SPTLC3: variants seen among roughly 807,000 people sequenced by gnomAD.
The protein encoded by SPTLC3 is serine palmitoyltransferase long chain base subunit 3.
In SPTLC3, 36 loss-of-function variants were observed where a neutral mutation model predicts 59.3. The observed-to-expected ratio is 0.61, with a 90% CI of 0.47 to 0.80. SPTLC3 has a LOEUF of 0.80. SPTLC3 is among the 30% of genes least tolerant of loss of function. The probability of loss-of-function intolerance (pLI) is 0.00; values close to 1 mark genes in which losing one functional copy is unlikely to be tolerated. For synonymous variants in SPTLC3, 257 were observed against 240.8 expected (o/e 1.07, Z -0.62); for missense variants, 625 against 685.1 (o/e 0.91, Z 0.98).
chr20:13,115,447 G>A (rs1333475906), intron 7 of SPTLC3, among the ~76,000 whole-genome samples: 2 of 152,120 alleles, frequency 1.3e-5, no homozygotes, highest in East Asian at 1.9e-4. Context: ...TTAGCTGCCC[G>A]CAGTGTCTAC....
chr20:13,058,590 G>C (rs1344757083), intron 2 of SPTLC3, among the ~76,000 whole-genome samples: 1 of 152,132 alleles, frequency 6.6e-6, no homozygotes, highest in African/African-American at 2.4e-5. Context: ...GAGGCAGAGG[G>C]GAGGGCTGGT....
chr20:13,131,462 G>C (rs968081889), intron 9 of SPTLC3, among the ~76,000 whole-genome samples: 4 of 152,186 alleles, frequency 2.6e-5, no homozygotes, highest in Non-Finnish European at 5.9e-5. Context: ...AACTTAGCAT[G>C]ATGCTTGATA....
intron 1 of SPTLC3, among the ~76,000 whole-genome samples, chr20:13,014,918 G>A (rs1249008938): frequency 4.6e-5 from 7 of 152,298 alleles, no homozygotes; most frequent in Non-Finnish European, 1.0e-4. Context: ...CTCAAGCTGA[G>A]CTACAGGTGC....
intron 1 of SPTLC3, among the ~76,000 whole-genome samples, chr20:13,046,096 G>T (rs923806457): frequency 6.6e-6 from 1 of 152,192 alleles, no homozygotes; most frequent in Non-Finnish European, 1.5e-5. Flanking sequence ...AGGTTCTGAG[G>T]TCACCCACAC....
chr20:13,072,561 G>T, intron 3 of SPTLC3, 151 bp downstream of exon 3: 1 of 827,626 alleles, frequency 1.2e-6, no homozygotes. Flanking sequence ...TGATGCCAGG[G>T]GAGGAAGGCA....
chr20:13,058,515 C>T (rs1987819396), intron 2 of SPTLC3, among the ~76,000 whole-genome samples: 1 of 152,188 alleles, frequency 6.6e-6, no homozygotes, highest in African/African-American at 2.4e-5. Context: ...GATACAAATA[C>T]CTAGGCTTTT....
intron 2 of SPTLC3, among the ~76,000 whole-genome samples, chr20:13,067,759 A>C (rs1988279818): frequency 6.6e-6 from 1 of 152,190 alleles, no homozygotes; most frequent in South Asian, 2.1e-4. Context: ...CAAAAGGAAA[A>C]TATAAGCATA....
At position 13,072,391 on chromosome 20, in the gene SPTLC3, G is replaced by A. The variant is rs761700140; in HGVS notation, c.439G>A (p.Asp147Asn). ...LFDLMERVSD[D>N]YNWTFRFTGR... ...TGATTTGATGGAGAGGGTATCAGAC[G>A]ACTATAACTGGACGTTTAGGTGAGA... The change falls in exon 3 of 12, where the codon GAC becomes AAC. Residue 147 changes from aspartate (D) to asparagine (N), a missense_variant. By Grantham distance (23) the Asp-to-Asn change is conservative. Coordinates refer to ENST00000399002, the MANE Select transcript of SPTLC3 (RefSeq NM_018327.4). 30 of 1,597,678 alleles carry A rather than the reference G, an allele frequency of 1.9e-5. No homozygotes were observed. The highest frequency in any genetic ancestry group is 7.1e-5 in the Admixed American group (4 of 55,954).
intron 9 of SPTLC3, among the ~76,000 whole-genome samples, chr20:13,137,108 CT>C (rs73615550): frequency 0.11 from 17,306 of 152,162 alleles, 1,088 homozygotes; most frequent in East Asian, 0.2. Flanking sequence ...AGAAGTTCCT[CT>C]TCAATCTGGG....
At chr20:13,081,444 T>C (rs1988839286) in intron 4 of SPTLC3, among the ~76,000 whole-genome samples, 1 of 152,208 alleles carries the variant, frequency 6.6e-6, no homozygotes, top group Admixed American at 6.5e-5. Flanking sequence ...CTCAAAGATT[T>C]GTAGCTAGGT....
Position 13,117,501 on chromosome 20 carries a change from C to T in SPTLC3, c.933-5C>T. On this transcript the variant is annotated splice_polypyrimidine_tract_variant and splice_region_variant and intron_variant, in intron 7 of 11. Coordinates refer to ENST00000399002, the MANE Select transcript of SPTLC3 (RefSeq NM_018327.4). ...TAGTTATGAGCATTTCTCCTTCTGC[C>T]CTAGCATGGAAGGTTCCATCGTGCA... is the stretch of plus-strand genomic sequence containing the variant. 6.4e-7 allele frequency: 1 copy of T among 1,574,620 alleles called. No homozygotes were observed. Among genetic ancestry groups the T allele is most frequent in the Non-Finnish European group, 8.6e-7 (1 of 1,161,620 alleles).
chr20:13,022,866 G>T (rs1985959013), intron 1 of SPTLC3, among the ~76,000 whole-genome samples: 1 of 151,938 alleles, frequency 6.6e-6, no homozygotes, highest in African/African-American at 2.4e-5. Flanking sequence ...CCTTCCCATG[G>T]CTCCCATTTC....
chr20:13,070,775 A>G (rs1988406359), intron 2 of SPTLC3, among the ~76,000 whole-genome samples: 1 of 152,136 alleles, frequency 6.6e-6, no homozygotes, highest in African/African-American at 2.4e-5. Flanking sequence ...CAGAAGCTAT[A>G]TGAGTCAGGA....
intron 8 of SPTLC3, among the ~76,000 whole-genome samples, chr20:13,121,164 G>A (rs777357793): frequency 5.3e-5 from 8 of 152,210 alleles, no homozygotes; most frequent in Non-Finnish European, 1.2e-4. Context: ...CTGCATGCCT[G>A]GTGCCGAACA....
chr20:13,145,449 C>T (rs909622857), intron 9 of SPTLC3, among the ~76,000 whole-genome samples: 12 of 152,036 alleles, frequency 7.9e-5, no homozygotes, highest in Non-Finnish European at 1.5e-5. Context: ...AAGATCTCTA[C>T]AATGAAAATT....
At chr20:13,087,991 C>A (rs1989060933) in intron 4 of SPTLC3, among the ~76,000 whole-genome samples, 1 of 152,096 alleles carries the variant, frequency 6.6e-6, no homozygotes. Flanking sequence ...TTTCTCAATC[C>A]CTCTGCAAAC....
chr20:13,135,171 A>T (rs904912999), intron 9 of SPTLC3, among the ~76,000 whole-genome samples: 2 of 152,250 alleles, frequency 1.3e-5, no homozygotes, highest in Non-Finnish European at 2.9e-5. Context: ...AGCATTTATA[A>T]TAATTATTTA....
intron 6 of SPTLC3, among the ~76,000 whole-genome samples, chr20:13,096,667 T>C (rs540999455): frequency 2.4e-4 from 36 of 152,266 alleles, no homozygotes; most frequent in Middle Eastern, 3.4e-3. Flanking sequence ...AGAAGAGGCA[T>C]AAAAGAACTT....
In SPTLC3 at chr20:13,126,701, G is replaced by A; in HGVS notation, c.1263G>A (p.Leu421=). ...IIRSLKLIMG[L]DGTTQGLQRV... ...GATCACTAAAACTTATCATGGGACT[G>A]GATGGGACCACTCAAGGTAAGAGGA... Residue 421 remains leucine, a synonymous_variant, in exon 9 of 12, where the codon CTG becomes CTA. Coordinates refer to ENST00000399002, the MANE Select transcript of SPTLC3 (RefSeq NM_018327.4). The A allele has an allele frequency of 6.2e-7, 1 of 1,614,016 alleles. No homozygotes were observed. The highest frequency in any genetic ancestry group is 8.5e-7 in the Non-Finnish European group (1 of 1,179,942).
Sources: gnomAD v4.1 joint callset for allele counts (sites outside exome capture counted in the v4.1 genomes callset) on GRCh38, gnomAD v4.1.1 for gene constraint, MANE v1.5 for transcripts, NCBI Gene and HGNC (gene_info 2026-07-23, HGNC 2026-07-21) for gene names.